The following MYRFL variants were observed in gnomAD, a reference collection of about 807,000 sequenced individuals.
MYRFL encodes the protein myelin regulatory factor-like protein.
A neutral mutation model predicts 109.4 loss-of-function variants in MYRFL; 88 were observed. That is an observed-to-expected ratio of 0.80 (90% confidence interval 0.68 to 0.96). The LOEUF is 0.96. MYRFL is among the 40% of genes least tolerant of loss of function. The pLI is 0.00. For missense variants in MYRFL, 957 were observed against 954.9 expected (o/e 1.00, Z -0.03); for synonymous variants, 324 against 320.9 (o/e 1.01, Z -0.10).
intron 15 of MYRFL, among the ~76,000 whole-genome samples, chr12:69,931,494 A>ATTT (rs1955267128): frequency 6.6e-6 from 1 of 152,188 alleles, no homozygotes. Flanking sequence ...ATTGAAGAAC[A>ATTT]TTTACTTTAG....
chr12:69,944,783 C>T (rs537162303), intron 19 of MYRFL, among the ~76,000 whole-genome samples: 31 of 152,168 alleles, frequency 2.0e-4, no homozygotes, highest in East Asian at 7.7e-4. Flanking sequence ...ATGTAGATGA[C>T]GGGTTGATGG....
rs537468089 is a variant in MYRFL at position 69,945,599 on chromosome 12, T to C, written c.2225-6514T>C. Among the ~76,000 whole-genome samples, 5 of 152,298 alleles carry C rather than the reference T, an allele frequency of 3.3e-5. No individual in the cohort carries two copies. The East Asian group carries it at 9.6e-4, about 29-fold the overall frequency. On this transcript the variant is annotated intron_variant, in intron 19 of 24. Transcript: ENST00000552032. ...TAATGACATATTTCACAGCATCATG[T>C]AGTTAAGCAATGCATGACTGTATTG...
intron 13 of MYRFL, among the ~76,000 whole-genome samples, chr12:69,914,309 T>C (rs1954665921): frequency 6.6e-6 from 1 of 152,168 alleles, no homozygotes; most frequent in South Asian, 2.1e-4. Flanking sequence ...TATTTTATTA[T>C]TAAAATACAA....
intron 19 of MYRFL, 71 bp downstream of exon 19, chr12:69,936,703 A>AGAT: frequency 1.5e-6 from 2 of 1,353,302 alleles, no homozygotes; most frequent in Non-Finnish European, 2.0e-6. Flanking sequence ...CAATTTACTT[A>AGAT]GATGGTCATT....
intron 15 of MYRFL, among the ~76,000 whole-genome samples, chr12:69,929,980 A>G (rs996607794): frequency 1.3e-5 from 2 of 152,236 alleles, no homozygotes; most frequent in Admixed American, 1.3e-4. Context: ...TCAATATTTT[A>G]GTGAATCTCA....
chr12:69,842,303 A>G (rs1883290957), intron 1 of MYRFL, among the ~76,000 whole-genome samples: 1 of 152,236 alleles, frequency 6.6e-6, no homozygotes, highest in Admixed American at 6.5e-5. Flanking sequence ...TCCCCTGCTT[A>G]AAGATTTTCA....
chr12:69,895,224 A>T, intron 8 of MYRFL, 147 bp from the exon 9 acceptor site: 1 of 621,774 alleles, frequency 1.6e-6, no homozygotes, highest in Non-Finnish European at 2.8e-6. Context: ...AGCAGTTAAT[A>T]ATCGGGGACT....
At chr12:69,867,611 G>C (rs994644326) in intron 2 of MYRFL, among the ~76,000 whole-genome samples, 3 of 152,170 alleles carry the variant, frequency 2.0e-5, no homozygotes, top group Non-Finnish European at 2.9e-5. Flanking sequence ...TCTAATGTTT[G>C]AGCTTAAGCA....
chr12:69,873,605 G>A (rs1885484319), intron 2 of MYRFL, among the ~76,000 whole-genome samples: 1 of 152,150 alleles, frequency 6.6e-6, no homozygotes, highest in African/African-American at 2.4e-5. Context: ...GACAATGGGT[G>A]GGTAGTGGAT....
intron 7 of MYRFL, among the ~76,000 whole-genome samples, chr12:69,891,705 CT>C (rs1313725514): frequency 1.5e-5 from 2 of 131,834 alleles, no homozygotes; most frequent in African/African-American, 5.3e-5. Context: ...TTCTTTCTTT[CT>C]TTTTTTCTTT....
rs1360731711 is a variant in MYRFL, at chr12:69,936,615, A to G, written c.2207A>G (p.His736Arg). The G allele has an allele frequency of 2.0e-6, 3 of 1,528,070 alleles. No homozygotes were observed. Among genetic ancestry groups the G allele is most frequent in the African/African-American group, 2.7e-5 (2 of 72,742 alleles). 94.7% of individuals were successfully genotyped at this position (1,528,070 alleles called of 1,614,324 possible). Residue 736 changes from histidine (H) to arginine (R), a missense_variant, in exon 19 of 25, where the codon CAT becomes CGT. By Grantham distance (29) the His-to-Arg change is conservative. Coordinates refer to ENST00000552032, the MANE Select transcript of MYRFL (RefSeq NM_182530.3). ...VQRQSEEKEF[H>R]QRRWSEDKSK... Reference sequence around the variant, plus strand: ...AGACAATCTGAGGAGAAGGAATTCCATCAGAGGCGATGGTCAGGTAAATGA... The same window carrying G: ...AGACAATCTGAGGAGAAGGAATTCCGTCAGAGGCGATGGTCAGGTAAATGA...
intron 1 of MYRFL, among the ~76,000 whole-genome samples, chr12:69,854,909 T>C (rs1195644943): frequency 6.6e-6 from 1 of 152,222 alleles, no homozygotes; most frequent in Non-Finnish European, 1.5e-5. Context: ...TATATTTTAT[T>C]CTATAAAAAT....
At chr12:69,923,602 GCTAT>G (rs1954977260) in intron 13 of MYRFL, among the ~76,000 whole-genome samples, 1 of 151,894 alleles carries the variant, frequency 6.6e-6, no homozygotes, top group Non-Finnish European at 1.5e-5. Context: ...ATATATGTGT[GCTAT>G]CTATGTGTGT....
chr12:69,855,222 A>G, intron 1 of MYRFL, 58 bp from the exon 2 acceptor site: 1 of 677,642 alleles, frequency 1.5e-6, no homozygotes, highest in South Asian at 1.6e-5. Flanking sequence ...CAGTGTTTTT[A>G]GCCATTGGCC....
intron 16 of MYRFL, chr12:69,935,880 C>G (rs1284569549): frequency 1.9e-6 from 1 of 521,238 alleles, no homozygotes. Context: ...TGGAAAAATC[C>G]ATCAGCATGG....
At chr12:69,845,068 A>G (rs1883449930) in intron 1 of MYRFL, among the ~76,000 whole-genome samples, 2 of 152,116 alleles carry the variant, frequency 1.3e-5, no homozygotes, top group Admixed American at 1.3e-4. Context: ...TGATCCCTGC[A>G]TGGCTGGCTC....
At chr12:69,935,597 A>T (rs1955423995) in intron 16 of MYRFL, among the ~76,000 whole-genome samples, 1 of 152,176 alleles carries the variant, frequency 6.6e-6, no homozygotes, top group African/African-American at 2.4e-5. Context: ...TGACCTGTTC[A>T]GCGTATTGTG....
At chr12:69,843,709 C>G (rs147852041) in intron 1 of MYRFL, among the ~76,000 whole-genome samples, 93 of 152,264 alleles carry the variant, frequency 6.1e-4, no homozygotes, top group Non-Finnish European at 1.2e-3. Flanking sequence ...TTATTGTCTT[C>G]CTACGGCCAA....
At chr12:69,943,277 A>G in intron 19 of MYRFL, among the ~76,000 whole-genome samples, 1 of 151,006 alleles carries the variant, frequency 6.6e-6, no homozygotes, top group Admixed American at 6.6e-5. Context: ...ACCTGACTTC[A>G]AACTATACTA....
Sources: gnomAD v4.1 joint callset for allele counts (sites outside exome capture counted in the v4.1 genomes callset) on GRCh38, gnomAD v4.1.1 for gene constraint, MANE v1.5 for transcripts, NCBI Gene and HGNC (gene_info 2026-07-23, HGNC 2026-07-21) for gene names.